The following BMPR1B variants were observed in gnomAD, a reference collection of about 807,000 sequenced individuals.
BMPR1B encodes bone morphogenetic protein receptor type 1B.
In BMPR1B, 12 loss-of-function variants were observed where a neutral mutation model predicts 59.1. That is an observed-to-expected ratio of 0.20 (90% CI 0.13 to 0.33). BMPR1B has a LOEUF of 0.33. Ranked by LOEUF, BMPR1B falls within the 10% of genes least tolerant of loss-of-function variation. The pLI is 1.00. For missense variants in BMPR1B, 550 were observed against 610.9 expected, an observed-to-expected ratio of 0.90 and a Z score of 1.05; for synonymous variants, 237 against 207.3, an observed-to-expected ratio of 1.14 and a Z score of -1.23.
At chr4:94,967,725 C>T (rs1388077086) in intron 2 of BMPR1B, among the ~76,000 whole-genome samples, 2 of 152,094 alleles carry the variant, frequency 1.3e-5, no homozygotes, top group Non-Finnish European at 2.9e-5. Flanking sequence ...CTCAAGTGAG[C>T]GCCTGCCTCA....
At chr4:94,774,529 G>A (rs1428575673) in intron 1 of BMPR1B, among the ~76,000 whole-genome samples, 1 of 151,754 alleles carries the variant, frequency 6.6e-6, no homozygotes, top group Non-Finnish European at 1.5e-5. Flanking sequence ...AAAAAAAATT[G>A]GATAACCTTT....
chr4:94,910,718 G>A (rs1315341609), intron 2 of BMPR1B, among the ~76,000 whole-genome samples: 2 of 151,854 alleles, frequency 1.3e-5, no homozygotes, highest in African/African-American at 2.4e-5. Flanking sequence ...GACCAGCCTA[G>A]GCAACATAGC....
chr4:95,029,117 T>C (rs965753712), intron 3 of BMPR1B, among the ~76,000 whole-genome samples: 1 of 152,054 alleles, frequency 6.6e-6, no homozygotes, highest in Non-Finnish European at 1.5e-5. Context: ...GTTACTATAC[T>C]TTAAGTTTTA....
Position 95,152,870 on chromosome 4 carries a change from T to C in BMPR1B, c.1383+97T>C. ...CATATTGATTGTAGGAATTCTTCTT[T>C]TTTTGATGGTGATGGTGATGGCGCC... is the stretch of plus-strand genomic sequence containing the variant. On this transcript the variant is annotated intron_variant, in intron 12 of 12. Coordinates refer to ENST00000515059, the MANE Select transcript of BMPR1B (RefSeq NM_001203.3). 7 of 1,474,258 alleles carry C rather than the reference T, an allele frequency of 4.7e-6. No homozygotes were observed. In the South Asian group the frequency reaches 7.3e-5, roughly 15 times the overall value. 91.3% of individuals were successfully genotyped at this position (1,474,258 alleles called of 1,614,324 possible). A position where few individuals can be genotyped will look rare whatever the true frequency, so the allele number is the denominator to read the frequency against.
rs779609471 is a variant in BMPR1B, at chr4:95,125,005, C to A, written c.469C>A (p.Pro157Thr). The A allele has an allele frequency of 6.2e-7, 1 of 1,613,246 alleles. No homozygotes were observed. Among genetic ancestry groups the A allele is most frequent in the Admixed American group, 1.7e-5 (1 of 59,970 alleles). Residue 157 changes from proline (P) to threonine (T), a missense_variant, in exon 8 of 13, where the codon CCT (proline) becomes ACT (threonine). Pro to Thr is a conservative substitution (Grantham distance 38). Around this residue, in one of 6 missense-constraint regions of BMPR1B, gnomAD observed 318 missense variants for 284.6 expected, o/e 1.12. Transcript: ENST00000515059. ...YFRYKRQETR[P>T]RYSIGLEQDE... The stretch of plus-strand genomic sequence containing the variant: ...TAGGTATAAAAGACAAGAAACCAGA[C>A]CTCGATACAGCATTGGGTTAGAACA...
rs1022146856 is a variant in BMPR1B at position 95,066,008 on chromosome 4, T to C, written c.-17-38400T>C. Among the ~76,000 whole-genome samples the C allele has an allele frequency of 7.6e-4, 115 of 152,192 alleles. 2 individuals are homozygous for C. The highest frequency in any genetic ancestry group is 7.5e-3 in the Admixed American group (115 of 15,276). On this transcript the variant is annotated intron_variant, in intron 3 of 12. Coordinates refer to ENST00000515059, the MANE Select transcript of BMPR1B (RefSeq NM_001203.3). ...TAGCGCAGTAGCCCACCTGCAATCCTGCTTGCTTAAGGGGAAATGGTACCT... is the reference window on the plus strand; with the variant it reads ...TAGCGCAGTAGCCCACCTGCAATCCCGCTTGCTTAAGGGGAAATGGTACCT...
At chr4:95,026,164 C>CTTTCTTTCTTTCTTTCTTT (rs1560603124) in intron 3 of BMPR1B, among the ~76,000 whole-genome samples, 1 of 10,730 alleles carries the variant, frequency 9.3e-5, no homozygotes, top group South Asian at 2.8e-3. Context: ...CTTTCTTTCT[C>CTTTCTTTCTTTCTTTCTTT]TTTTTCTCTT....
intron 12 of BMPR1B, 45 bp downstream of exon 12, chr4:95,152,818 G>A (rs1031694424): frequency 6.2e-7 from 1 of 1,601,120 alleles, no homozygotes; most frequent in Admixed American, 1.7e-5. Context: ...CTTCTAAATA[G>A]ACTTTTCTTT....
At chr4:94,989,629 C>G (rs1721619489) in intron 2 of BMPR1B, among the ~76,000 whole-genome samples, 1 of 152,106 alleles carries the variant, frequency 6.6e-6, no homozygotes. Flanking sequence ...TTTCCCAAAG[C>G]TGCTTCTCCT....
intron 1 of BMPR1B, among the ~76,000 whole-genome samples, chr4:94,847,928 T>G (rs1416499894): frequency 6.6e-6 from 1 of 152,158 alleles, no homozygotes; most frequent in African/African-American, 2.4e-5. Context: ...TATAATTGGA[T>G]TTTTTGTAAC....
At chr4:95,068,624 A>T (rs1728034656) in intron 3 of BMPR1B, among the ~76,000 whole-genome samples, 3 of 152,178 alleles carry the variant, frequency 2.0e-5, no homozygotes, top group African/African-American at 7.2e-5. Flanking sequence ...AGTGGGGGAT[A>T]GGAACTGAGA....
At chr4:95,007,324 T>C (rs112857518) in intron 3 of BMPR1B, among the ~76,000 whole-genome samples, 2,013 of 152,286 alleles carry the variant, frequency 0.013, 47 homozygotes, top group African/African-American at 0.046. Context: ...AATAGATGTT[T>C]TAAGTTATTT....
intron 1 of BMPR1B, among the ~76,000 whole-genome samples, chr4:94,773,748 C>A (rs1367106363): frequency 1.3e-5 from 2 of 152,022 alleles, no homozygotes; most frequent in Admixed American, 1.3e-4. Context: ...TTTCACTAAT[C>A]AATAAGGGAT....
intron 2 of BMPR1B, among the ~76,000 whole-genome samples, chr4:94,907,293 GA>G (rs1327041241): frequency 6.6e-6 from 1 of 152,068 alleles, no homozygotes; most frequent in African/African-American, 2.4e-5. Flanking sequence ...TTAAAGGAGA[GA>G]AAGGCATCTT....
chr4:94,925,051 CAT>C (rs1728833984), intron 2 of BMPR1B, among the ~76,000 whole-genome samples: 1 of 152,026 alleles, frequency 6.6e-6, no homozygotes, highest in African/African-American at 2.4e-5. Flanking sequence ...ATACAAAATA[CAT>C]ATTAGATCAT....
intron 2 of BMPR1B, among the ~76,000 whole-genome samples, chr4:94,983,835 G>A (rs1721242497): frequency 6.6e-6 from 1 of 152,196 alleles, no homozygotes; most frequent in Admixed American, 6.5e-5. Flanking sequence ...TAATTGTAGT[G>A]ATGTAGCCAC....
intron 2 of BMPR1B, among the ~76,000 whole-genome samples, chr4:94,985,691 T>C (rs1053192000): frequency 8.5e-5 from 13 of 152,140 alleles, no homozygotes; most frequent in African/African-American, 2.4e-4. Context: ...AAAGATATAG[T>C]AGTAAGGGCC....
At chr4:94,899,479 A>C (rs955424988) in intron 2 of BMPR1B, among the ~76,000 whole-genome samples, 1 of 149,104 alleles carries the variant, frequency 6.7e-6, no homozygotes, top group Non-Finnish European at 1.5e-5. Flanking sequence ...CATATATATT[A>C]TATATAAATC....
chr4:94,950,277 A>G (rs1729881881), intron 2 of BMPR1B, among the ~76,000 whole-genome samples: 1 of 151,732 alleles, frequency 6.6e-6, no homozygotes, highest in Non-Finnish European at 1.5e-5. Context: ...GCTGTGCAGA[A>G]GCTCTTTAGT....
Sources: allele counts gnomAD v4.1 joint callset (sites outside exome capture counted in the v4.1 genomes callset), GRCh38; gene constraint gnomAD v4.1.1; regional missense constraint gnomAD v4.1.1; transcripts MANE v1.5; gene names NCBI Gene and HGNC (gene_info 2026-07-23, HGNC 2026-07-21).